RHEB: variants seen among roughly 807,000 people sequenced by gnomAD.
The protein encoded by RHEB is Ras homolog, mTORC1 binding.
A neutral mutation model predicts 28.8 loss-of-function variants in RHEB; 2 were observed. The ratio of observed to expected loss-of-function variants is 0.07; its 90% CI spans 0.03 to 0.22. The LOEUF (loss-of-function observed/expected upper bound fraction) is 0.22. Ranked by LOEUF, RHEB falls within the 10% of genes least tolerant of loss-of-function variation. RHEB has a pLI of 1.00. For missense variants in RHEB, 76 were observed against 219.9 expected (o/e 0.35, Z 4.14); for synonymous variants, 69 against 77.3 (o/e 0.89, Z 0.56).
intron 6 of RHEB, among the ~76,000 whole-genome samples, chr7:151,471,140 C>T (rs1466364899): frequency 6.6e-6 from 1 of 152,248 alleles, no homozygotes; most frequent in Admixed American, 6.5e-5. Flanking sequence ...CATAAATGAG[C>T]ACTATGTCTT....
intron 4 of RHEB, among the ~76,000 whole-genome samples, chr7:151,475,258 C>A (rs1802252628): frequency 3.3e-5 from 5 of 152,044 alleles, no homozygotes; most frequent in African/African-American, 1.2e-4. Flanking sequence ...AATTTGTGCA[C>A]ACCAAAAAAG....
chr7:151,476,415 C>T (rs538529128), intron 4 of RHEB, among the ~76,000 whole-genome samples: 1 of 152,304 alleles, frequency 6.6e-6, no homozygotes, highest in African/African-American at 2.4e-5. Context: ...CTTCTATCAC[C>T]GCAGTAAGTT....
At chr7:151,484,861 G>C in intron 2 of RHEB, 57 bp from the exon 3 acceptor site, 1 of 1,221,380 alleles carries the variant, frequency 8.2e-7, no homozygotes, top group Non-Finnish European at 1.2e-6. Flanking sequence ...GAAACCACCT[G>C]AAGTTTGAAC....
At chr7:151,471,678 C>CTT (rs1464081755) in intron 4 of RHEB, 73 bp from the exon 5 acceptor site, 2 of 973,772 alleles carry the variant, frequency 2.1e-6, no homozygotes, top group Non-Finnish European at 3.2e-6. Flanking sequence ...ATGTTGCCAG[C>CTT]TGGAAAAATG....
chr7:151,467,153 G>A lies in RHEB; in HGVS notation c.521C>T (p.Ala174Val), dbSNP rs2150918318. 2 of 1,613,706 alleles carry A rather than the reference G, an allele frequency of 1.2e-6. No homozygotes were observed. The highest frequency in any genetic ancestry group is 8.5e-7 in the Non-Finnish European group (1 of 1,179,640). ...ILEAEKMDGA[A>V]SQGKSSCSVM ...CGAGCATGAAGACTTGCCTTGTGAA[G>A]CTGCCCCGTCCATTTTTTCTGCCTC... is the stretch of plus-strand genomic sequence containing the variant. Residue 174 changes from alanine to valine, a missense_variant, in exon 8 of 8, where the codon GCT becomes GTT. Coordinates refer to ENST00000262187, the MANE Select transcript of RHEB (RefSeq NM_005614.4).
chr7:151,479,455 G>A (rs1248610150), intron 3 of RHEB, among the ~76,000 whole-genome samples: 2 of 152,064 alleles, frequency 1.3e-5, no homozygotes, highest in East Asian at 3.9e-4. Context: ...GGCCAAGGTG[G>A]GCAGATCACA....
intron 1 of RHEB, chr7:151,519,177 G>A (rs1209746014): frequency 2.5e-5 from 4 of 161,068 alleles, no homozygotes; most frequent in Middle Eastern, 2.7e-3. Context: ...CGGACTCCTC[G>A]GCGGCCGACG....
intron 1 of RHEB, among the ~76,000 whole-genome samples, chr7:151,512,897 A>G (rs1418947394): frequency 6.6e-6 from 1 of 152,164 alleles, no homozygotes; most frequent in African/African-American, 2.4e-5. Context: ...CAAAGTTCCC[A>G]TTTGTACTAA....
At chr7:151,518,273 G>A (rs1439396075) in intron 1 of RHEB, among the ~76,000 whole-genome samples, 20 of 152,154 alleles carry the variant, frequency 1.3e-4, no homozygotes, top group Non-Finnish European at 1.5e-5. Context: ...GGCTGATCTT[G>A]GTCAAAGAGC....
intron 1 of RHEB, among the ~76,000 whole-genome samples, chr7:151,506,866 C>T (rs1198999983): frequency 3.3e-5 from 5 of 152,162 alleles, no homozygotes; most frequent in African/African-American, 7.2e-5. Flanking sequence ...GGTGGTGCTA[C>T]ACAGCTGGGA....
intron 4 of RHEB, among the ~76,000 whole-genome samples, chr7:151,474,583 T>C (rs1475391007): frequency 6.6e-6 from 1 of 152,222 alleles, no homozygotes; most frequent in African/African-American, 2.4e-5. Context: ...TACGGTGAAG[T>C]AACTTGTCCA....
At chr7:151,515,180 C>T (rs543667679) in intron 1 of RHEB, among the ~76,000 whole-genome samples, 8 of 151,838 alleles carry the variant, frequency 5.3e-5, no homozygotes, top group East Asian at 3.9e-4. Flanking sequence ...CAGGAAGAAG[C>T]GACATATGCT....
At chr7:151,505,831 T>C (rs934822503) in intron 1 of RHEB, among the ~76,000 whole-genome samples, 45 of 152,332 alleles carry the variant, frequency 3.0e-4, no homozygotes, top group African/African-American at 1.0e-3. Context: ...AAAGAAATTA[T>C]ACATGCAACA....
chr7:151,471,888 T>A (rs1247817106), intron 4 of RHEB: 2 of 372,734 alleles, frequency 5.4e-6, no homozygotes, highest in Admixed American at 4.7e-5. Context: ...CAAATTTTAA[T>A]CACCCAACTC....
At chr7:151,484,412 T>C (rs1394169496) in intron 3 of RHEB, among the ~76,000 whole-genome samples, 1 of 152,172 alleles carries the variant, frequency 6.6e-6, no homozygotes, top group Admixed American at 6.5e-5. Flanking sequence ...GCCAGAAATG[T>C]CTTAGAAAAG....
At chr7:151,509,036 C>T (rs1405192950) in intron 1 of RHEB, among the ~76,000 whole-genome samples, 1 of 152,134 alleles carries the variant, frequency 6.6e-6, no homozygotes, top group Non-Finnish European at 1.5e-5. Context: ...TTGTAGCACT[C>T]TTATGCAGAA....
At chr7:151,494,321 T>C (rs1802638458) in intron 1 of RHEB, among the ~76,000 whole-genome samples, 2 of 152,334 alleles carry the variant, frequency 1.3e-5, no homozygotes, top group Admixed American at 6.5e-5. Flanking sequence ...CTCGACAACC[T>C]GACTTGCGGG....
intron 1 of RHEB, among the ~76,000 whole-genome samples, chr7:151,515,405 G>A (rs1474133548): frequency 6.6e-6 from 1 of 152,152 alleles, no homozygotes; most frequent in Non-Finnish European, 1.5e-5. Context: ...AGTACAGAGA[G>A]ATATAACCCA....
chr7:151,499,188 C>A (rs1010786288), intron 1 of RHEB, among the ~76,000 whole-genome samples: 10 of 152,134 alleles, frequency 6.6e-5, no homozygotes, highest in Non-Finnish European at 1.2e-4. Flanking sequence ...GAAACCCAGT[C>A]TCTACTAAAA....
Sources: gnomAD v4.1 joint callset for allele counts (sites outside exome capture counted in the v4.1 genomes callset) on GRCh38, gnomAD v4.1.1 for gene constraint, MANE v1.5 for transcripts, NCBI Gene and HGNC (gene_info 2026-07-23, HGNC 2026-07-21) for gene names.